The following TNFSF4 variants were observed in gnomAD, a reference collection of about 807,000 sequenced individuals.
The protein encoded by TNFSF4 is tumor necrosis factor ligand superfamily member 4.
Under a neutral mutation model 7.3 loss-of-function variants are expected in TNFSF4, and 4 were observed. The ratio of observed to expected loss-of-function variants is 0.55; its 90% confidence interval spans 0.27 to 1.25. TNFSF4 has a LOEUF of 1.25. TNFSF4 is among the 50% of genes most tolerant of loss of function. The pLI is 0.12. For missense variants in TNFSF4, 181 were observed against 208.8 expected (o/e 0.87, Z 0.82); for synonymous variants, 76 against 83.7 (o/e 0.91, Z 0.50).
chr1:173,341,847 T>G, the TNFSF4 span, among the ~76,000 whole-genome samples: 1 of 152,132 alleles, frequency 6.6e-6, no homozygotes, highest in East Asian at 1.9e-4. Context: ...CCTTACCATT[T>G]CCTACCCTAA....
chr1:173,386,131 C>G, the TNFSF4 span, among the ~76,000 whole-genome samples: 6 of 152,188 alleles, frequency 3.9e-5, no homozygotes, highest in Non-Finnish European at 5.9e-5. Flanking sequence ...GAAGGCAGAA[C>G]AGTGGCAAGT....
the TNFSF4 span, among the ~76,000 whole-genome samples, chr1:173,322,206 A>G: frequency 6.6e-6 from 1 of 152,188 alleles, no homozygotes; most frequent in South Asian, 2.1e-4. Flanking sequence ...TCAGCAAACT[A>G]ACACAGGAAC....
the TNFSF4 span, among the ~76,000 whole-genome samples, chr1:173,350,954 ACT>A: frequency 5.3e-5 from 8 of 152,038 alleles, no homozygotes; most frequent in Admixed American, 1.3e-4. Flanking sequence ...TGCCAAAATG[ACT>A]CTCTGTCTAT....
chr1:173,340,574 A>G, the TNFSF4 span, among the ~76,000 whole-genome samples: 96,033 of 151,846 alleles, frequency 0.63, 30,562 homozygotes, highest in Admixed American at 0.69. Context: ...CCCAGGGCAG[A>G]TAGATTTGTA....
chr1:173,397,076 G>T, the TNFSF4 span, among the ~76,000 whole-genome samples: 1 of 152,214 alleles, frequency 6.6e-6, no homozygotes, highest in African/African-American at 2.4e-5. Context: ...AAGCTGAGTA[G>T]TCTGACATAT....
chr1:173,313,470 C>T, the TNFSF4 span, among the ~76,000 whole-genome samples: 1 of 152,100 alleles, frequency 6.6e-6, no homozygotes, highest in Non-Finnish European at 1.5e-5. Context: ...AATTTTGCCA[C>T]ATCCTAAGCA....
chr1:173,305,182 T>C, the TNFSF4 span, among the ~76,000 whole-genome samples: 1 of 151,610 alleles, frequency 6.6e-6, no homozygotes, highest in Non-Finnish European at 1.5e-5. Flanking sequence ...TTATGAAACA[T>C]GCCAAAAGGG....
At chr1:173,345,814 A>G in the TNFSF4 span, among the ~76,000 whole-genome samples, 1 of 152,216 alleles carries the variant, frequency 6.6e-6, no homozygotes, top group Non-Finnish European at 1.5e-5. Flanking sequence ...GAAAGTGACT[A>G]CCATTCCTGG....
At chr1:173,410,818 G>A in the TNFSF4 span, among the ~76,000 whole-genome samples, 1 of 152,166 alleles carries the variant, frequency 6.6e-6, no homozygotes, top group African/African-American at 2.4e-5. Context: ...TTTGGCCTAG[G>A]ACTTGCCTGA....
At chr1:173,424,190 A>G in the TNFSF4 span, among the ~76,000 whole-genome samples, 1 of 152,228 alleles carries the variant, frequency 6.6e-6, no homozygotes, top group South Asian at 2.1e-4. Context: ...ACACATTCAG[A>G]CCACACCAGA....
chr1:173,255,146 T>C, the TNFSF4 span, among the ~76,000 whole-genome samples: 1 of 152,202 alleles, frequency 6.6e-6, no homozygotes, highest in Non-Finnish European at 1.5e-5. Flanking sequence ...TCAACGCTCA[T>C]GCCCCTACCA....
At chr1:173,221,203 A>G in the TNFSF4 span, among the ~76,000 whole-genome samples, 1 of 152,362 alleles carries the variant, frequency 6.6e-6, no homozygotes, top group South Asian at 2.1e-4. Flanking sequence ...AGGCCATAGC[A>G]TTAACAAGTA....
At position 173,183,962 on chromosome 1, in the gene TNFSF4, A is replaced by T. The variant is rs1191992048; in HGVS notation, c.*2554T>A. The T allele has an allele frequency of 6.6e-6, 1 of 152,194 alleles. No homozygotes were observed. Among genetic ancestry groups the T allele is most frequent in the East Asian group, 1.9e-4 (1 of 5,192 alleles). The allele number at this position is 152,194 out of a possible 1,614,324, so 9.4% of individuals were successfully genotyped here. A position where few individuals can be genotyped will look rare whatever the true frequency, so the allele number is the denominator to read the frequency against. On this transcript the variant is annotated 3_prime_UTR_variant, in exon 3 of 3. Transcript: ENST00000281834. ...AGAAAATATCTAACTAACAATTGAT[A>T]ACTGCTCTTGAAGGACTCACAAAGA...
At chr1:173,229,673 G>A in the TNFSF4 span, among the ~76,000 whole-genome samples, 1 of 152,142 alleles carries the variant, frequency 6.6e-6, no homozygotes, top group African/African-American at 2.4e-5. Context: ...TCAGTGTGCT[G>A]TATTCAGGAG....
upstream of TNFSF4, among the ~76,000 whole-genome samples, chr1:173,211,217 T>C (rs1002715407): frequency 6.6e-6 from 1 of 152,242 alleles, no homozygotes; most frequent in African/African-American, 2.4e-5. Flanking sequence ...AACTCTGCCC[T>C]GGGACAAGTG....
the TNFSF4 span, among the ~76,000 whole-genome samples, chr1:173,248,152 G>C: frequency 6.6e-6 from 1 of 152,024 alleles, no homozygotes; most frequent in Non-Finnish European, 1.5e-5. Context: ...TCAGGAGATT[G>C]AGACCATCCT....
chr1:173,205,372 C>T, intron 1 of TNFSF4: 2 of 1,610,914 alleles, frequency 1.2e-6, no homozygotes, highest in African/African-American at 1.3e-5. Flanking sequence ...TTCCTTCTGT[C>T]CCAGAGTTGC....
the TNFSF4 span, among the ~76,000 whole-genome samples, chr1:173,300,261 A>T: frequency 6.6e-6 from 1 of 151,830 alleles, no homozygotes; most frequent in Admixed American, 6.6e-5. Flanking sequence ...GCAGCCCTAG[A>T]GTCCTTCCTC....
the TNFSF4 span, among the ~76,000 whole-genome samples, chr1:173,376,004 G>T: frequency 6.6e-6 from 1 of 152,124 alleles, no homozygotes; most frequent in African/African-American, 2.4e-5. Context: ...CCCTCTCTGT[G>T]CTTGGTCCCT....
Sources: allele counts gnomAD v4.1 joint callset (sites outside exome capture counted in the v4.1 genomes callset), GRCh38; gene constraint gnomAD v4.1.1; transcripts MANE v1.5; gene names NCBI Gene and HGNC (gene_info 2026-07-23, HGNC 2026-07-21).